Variants in GABRG1 observed in about 807,000 individuals in gnomAD.
GABRG1 encodes gamma-aminobutyric acid type A receptor subunit gamma1.
GABRG1 carries 49 observed loss-of-function variants against 49.8 expected under a neutral mutation model. That is an observed-to-expected ratio of 0.98 (90% confidence interval 0.78 to 1.25). The LOEUF (loss-of-function observed/expected upper bound fraction) is 1.25, where lower values mean the gene tolerates loss of function less well. Among genes scored for constraint, GABRG1 ranks in the 50% most tolerant of loss-of-function variants. The pLI, the probability that GABRG1 is intolerant of heterozygous loss-of-function variation, is 0.00. For missense variants in GABRG1, 552 were observed against 552.3 expected, an observed-to-expected ratio of 1.00 and a Z score of 0.01; for synonymous variants, 232 against 185.1, an observed-to-expected ratio of 1.25 and a Z score of -2.06.
At chr4:46,053,329 T>C (rs1577633830) in intron 7 of GABRG1, among the ~76,000 whole-genome samples, 1 of 151,968 alleles carries the variant, frequency 6.6e-6, no homozygotes, top group African/African-American at 2.4e-5. Flanking sequence ...TGTAGTGTCC[T>C]ATAAATATCA....
chr4:46,112,937 T>C (rs1457309353), intron 1 of GABRG1, among the ~76,000 whole-genome samples: 2 of 150,728 alleles, frequency 1.3e-5, no homozygotes, highest in African/African-American at 4.9e-5. Context: ...AAAATAAAAG[T>C]TGAAAAAAAA....
At chr4:46,093,487 T>C (rs1324965641) in intron 2 of GABRG1, among the ~76,000 whole-genome samples, 1 of 152,052 alleles carries the variant, frequency 6.6e-6, no homozygotes, top group Non-Finnish European at 1.5e-5. Context: ...TTAATGTGTA[T>C]GCAAATATAG....
At chr4:46,078,539 G>A (rs35937474) in intron 3 of GABRG1, among the ~76,000 whole-genome samples, 7,574 of 151,828 alleles carry the variant, frequency 0.05, 368 homozygotes, top group African/African-American at 0.12. Context: ...ATGGAATGCC[G>A]GAACCAATTG....
chr4:46,083,814 A>T (rs867605276), intron 3 of GABRG1, among the ~76,000 whole-genome samples, 172 bp downstream of exon 3: 1 of 151,574 alleles, frequency 6.6e-6, no homozygotes, highest in Non-Finnish European at 1.5e-5. Flanking sequence ...AGATTCTTAG[A>T]TACAGGTATA....
At chr4:46,075,072 AAT>A (rs911045123) in intron 3 of GABRG1, among the ~76,000 whole-genome samples, 3 of 151,488 alleles carry the variant, frequency 2.0e-5, no homozygotes, top group Non-Finnish European at 4.4e-5. Flanking sequence ...ATTAGAAATT[AAT>A]ATATATATAT....
chr4:46,076,715 C>G (rs933637671), intron 3 of GABRG1, among the ~76,000 whole-genome samples: 2 of 151,498 alleles, frequency 1.3e-5, no homozygotes, highest in Non-Finnish European at 2.9e-5. Flanking sequence ...GTACATTCTA[C>G]AACATTCTAT....
intron 3 of GABRG1, among the ~76,000 whole-genome samples, chr4:46,066,241 A>G (rs1391631489): frequency 6.6e-6 from 1 of 152,196 alleles, no homozygotes; most frequent in African/African-American, 2.4e-5. Flanking sequence ...ATAAACAAAA[A>G]AGAAACTAGA....
intron 5 of GABRG1, among the ~76,000 whole-genome samples, chr4:46,062,187 C>A (rs1718721966): frequency 6.6e-6 from 1 of 151,872 alleles, no homozygotes; most frequent in South Asian, 2.1e-4. Flanking sequence ...TCATCCATGT[C>A]CCTACAAAGG....
intron 1 of GABRG1, among the ~76,000 whole-genome samples, chr4:46,108,552 A>C (rs1413411659): frequency 6.6e-6 from 1 of 151,090 alleles, no homozygotes; most frequent in African/African-American, 2.4e-5. Context: ...GATTCTGAAC[A>C]TATTAATCCT....
chr4:46,087,038 T>G (rs1719790607), intron 2 of GABRG1, among the ~76,000 whole-genome samples: 1 of 151,762 alleles, frequency 6.6e-6, no homozygotes, highest in South Asian at 2.1e-4. Flanking sequence ...GTACCAACTG[T>G]TTTATTCAAC....
At chr4:46,097,480 C>T (rs1007694785) in intron 1 of GABRG1, 131 bp from the exon 2 acceptor site, 2 of 780,922 alleles carry the variant, frequency 2.6e-6, no homozygotes, top group Admixed American at 3.4e-5. Context: ...ACTAACATTA[C>T]ATTTAGTAAG....
intron 2 of GABRG1, among the ~76,000 whole-genome samples, chr4:46,094,941 A>G (rs1230780340): frequency 6.6e-6 from 1 of 151,962 alleles, no homozygotes; most frequent in Non-Finnish European, 1.5e-5. Context: ...AAGCAGAAGA[A>G]ACTGTAAGAA....
At chr4:46,048,547 G>C (rs1497573) in intron 8 of GABRG1, among the ~76,000 whole-genome samples, 2 of 149,600 alleles carry the variant, frequency 1.3e-5, no homozygotes, top group African/African-American at 4.9e-5. Flanking sequence ...ATCCCACCAT[G>C]CACCGACTCT....
intron 5 of GABRG1, among the ~76,000 whole-genome samples, chr4:46,062,087 T>C (rs1200049079): frequency 1.4e-5 from 2 of 138,162 alleles, no homozygotes; most frequent in Non-Finnish European, 3.1e-5. Context: ...CCATGTGTTC[T>C]CATTGTTCAA....
chr4:46,076,683 C>T (rs1719348645), intron 3 of GABRG1, among the ~76,000 whole-genome samples: 1 of 151,404 alleles, frequency 6.6e-6, no homozygotes, highest in Non-Finnish European at 1.5e-5. Flanking sequence ...CAAACCTGCC[C>T]TGAGGCCAGA....
At chr4:46,107,123 C>G (rs1231725116) in intron 1 of GABRG1, among the ~76,000 whole-genome samples, 1 of 151,116 alleles carries the variant, frequency 6.6e-6, no homozygotes, top group Non-Finnish European at 1.5e-5. Context: ...ACTACAGTTA[C>G]CCTATTGTGC....
At chr4:46,081,870 C>G (rs1004235394) in intron 3 of GABRG1, among the ~76,000 whole-genome samples, 5 of 151,806 alleles carry the variant, frequency 3.3e-5, no homozygotes, top group African/African-American at 9.7e-5. Flanking sequence ...TGCACAGGCA[C>G]AGAGAAAAGA....
At chr4:46,049,253 A>C (rs1225213211) in intron 8 of GABRG1, among the ~76,000 whole-genome samples, 2 of 151,896 alleles carry the variant, frequency 1.3e-5, no homozygotes, top group Non-Finnish European at 2.9e-5. Context: ...TAAATAGAGG[A>C]TTTGAGACAA....
At chr4:46,065,308 A>G in intron 4 of GABRG1, 56 bp downstream of exon 4, 2 of 1,205,398 alleles carry the variant, frequency 1.7e-6, no homozygotes, top group East Asian at 4.9e-5. Flanking sequence ...AGAATTGATT[A>G]AATATTAGTA....
Sources: allele counts gnomAD v4.1 joint callset (sites outside exome capture counted in the v4.1 genomes callset), GRCh38; gene constraint gnomAD v4.1.1; transcripts MANE v1.5; gene names NCBI Gene and HGNC (gene_info 2026-07-23, HGNC 2026-07-21).